Variants in LSAMP observed in about 807,000 individuals in gnomAD.
LSAMP encodes limbic system-associated membrane protein.
Under a neutral mutation model 38.6 loss-of-function variants are expected in LSAMP, and 7 were observed. The observed-to-expected ratio is 0.18, with a 90% CI of 0.10 to 0.34. The LOEUF (loss-of-function observed/expected upper bound fraction) is 0.34. Among genes scored for constraint, LSAMP ranks in the 10% least tolerant of loss-of-function variants. The pLI, the probability that LSAMP is intolerant of heterozygous loss-of-function variation, is 1.00. For missense variants in LSAMP, 313 were observed against 420.0 expected (o/e 0.75, Z 2.23); for synonymous variants, 154 against 166.8 (o/e 0.92, Z 0.59).
chr3:116,061,884 G>A (rs1195129294), intron 2 of LSAMP, among the ~76,000 whole-genome samples: 1 of 152,090 alleles, frequency 6.6e-6, no homozygotes, highest in Non-Finnish European at 1.5e-5. Context: ...TAAGTAGAAG[G>A]AATTCAAGGA....
chr3:115,853,404 A>G (rs1935394388), intron 3 of LSAMP, among the ~76,000 whole-genome samples: 1 of 152,158 alleles, frequency 6.6e-6, no homozygotes, highest in East Asian at 1.9e-4. Context: ...TAGGGAGTTA[A>G]ATATTATTGG....
At chr3:115,992,026 C>T (rs918071505) in intron 3 of LSAMP, among the ~76,000 whole-genome samples, 10 of 152,070 alleles carry the variant, frequency 6.6e-5, no homozygotes, top group East Asian at 1.9e-4. Flanking sequence ...TGAAAGGGGG[C>T]GGGTGGACAG....
At chr3:116,391,750 G>T (rs114638023) in intron 1 of LSAMP, among the ~76,000 whole-genome samples, 7,663 of 152,270 alleles carry the variant, frequency 0.05, 257 homozygotes, top group Non-Finnish European at 0.077. Flanking sequence ...CCCGGGGTGA[G>T]AAATGGGAGC....
At chr3:116,129,150 G>A (rs148090274) in intron 1 of LSAMP, among the ~76,000 whole-genome samples, 5 of 151,992 alleles carry the variant, frequency 3.3e-5, no homozygotes, top group Non-Finnish European at 7.4e-5. Context: ...TGAATCATTC[G>A]CAATGAGGAG....
At chr3:116,065,361 G>C (rs999370050) in intron 2 of LSAMP, among the ~76,000 whole-genome samples, 1 of 152,136 alleles carries the variant, frequency 6.6e-6, no homozygotes, top group Non-Finnish European at 1.5e-5. Flanking sequence ...ACAATGTCTA[G>C]TTTTTTGCAG....
chr3:116,159,158 A>G (rs1447089225), intron 1 of LSAMP, among the ~76,000 whole-genome samples: 2 of 152,216 alleles, frequency 1.3e-5, no homozygotes, highest in Non-Finnish European at 2.9e-5. Flanking sequence ...AAATCCTTGA[A>G]GACAACCTAG....
At chr3:116,137,083 G>T (rs779885608) in intron 1 of LSAMP, among the ~76,000 whole-genome samples, 5 of 152,110 alleles carry the variant, frequency 3.3e-5, no homozygotes, top group Non-Finnish European at 7.4e-5. Flanking sequence ...TGTTCCTGGT[G>T]TACAGACATA....
chr3:116,418,489 GT>G (rs143678351), intron 1 of LSAMP, among the ~76,000 whole-genome samples: 2 of 151,092 alleles, frequency 1.3e-5, no homozygotes, highest in Non-Finnish European at 1.5e-5. Context: ...TATTTCTCAT[GT>G]TTTTTTTTAA....
chr3:115,936,230 A>C (rs1461457000), intron 3 of LSAMP, among the ~76,000 whole-genome samples: 1 of 152,228 alleles, frequency 6.6e-6, no homozygotes, highest in Admixed American at 6.5e-5. Flanking sequence ...AGAATAGCTA[A>C]GGGACTAGAT....
chr3:116,213,608 A>G (rs751079306), intron 1 of LSAMP, among the ~76,000 whole-genome samples: 8 of 152,242 alleles, frequency 5.3e-5, no homozygotes, highest in Admixed American at 1.3e-4. Context: ...GAAACTCAAT[A>G]GCCAACATGT....
intron 1 of LSAMP, among the ~76,000 whole-genome samples, chr3:116,369,386 G>A (rs975152498): frequency 1.3e-5 from 2 of 152,192 alleles, no homozygotes; most frequent in African/African-American, 4.8e-5. Flanking sequence ...CTTCCAAGGA[G>A]AGCATTGCTC....
At chr3:116,166,239 T>C (rs1377665763) in intron 1 of LSAMP, among the ~76,000 whole-genome samples, 1 of 152,210 alleles carries the variant, frequency 6.6e-6, no homozygotes, top group African/African-American at 2.4e-5. Flanking sequence ...AACTGCTCTC[T>C]CTCTAGCACT....
rs1183767401 is a variant in LSAMP at position 115,896,123 on chromosome 3, C to T, written c.515-43506G>A. 2.6e-5 allele frequency among the ~76,000 whole-genome samples: 4 copies of T among 152,180 alleles called. No homozygotes were observed. In the East Asian group the frequency reaches 5.8e-4, roughly 22 times the overall value. ...TATGTTGTCATTTATGTTTTCTCCCCAGTCAAGCTATTAACTGTTATTCTT... is the reference window on the plus strand; with the variant it reads ...TATGTTGTCATTTATGTTTTCTCCCTAGTCAAGCTATTAACTGTTATTCTT... On this transcript the variant is annotated intron_variant, in intron 3 of 6. Coordinates refer to ENST00000490035, the MANE Select transcript of LSAMP (RefSeq NM_002338.5).
intron 1 of LSAMP, among the ~76,000 whole-genome samples, chr3:116,172,828 G>C (rs548127190): frequency 1.3e-5 from 2 of 151,934 alleles, no homozygotes; most frequent in African/African-American, 2.4e-5. Context: ...TAAAGGTAAG[G>C]GTTGGTTCAC....
intron 1 of LSAMP, among the ~76,000 whole-genome samples, chr3:116,399,160 C>A (rs1330545810): frequency 1.3e-5 from 2 of 152,038 alleles, no homozygotes; most frequent in Non-Finnish European, 2.9e-5. Flanking sequence ...TAAGCAGGAG[C>A]AAGATTACAA....
chr3:115,829,003 A>G (rs1165511376), intron 6 of LSAMP, among the ~76,000 whole-genome samples: 2 of 152,204 alleles, frequency 1.3e-5, no homozygotes, highest in Admixed American at 6.5e-5. Context: ...ACATTCTCCT[A>G]TCTTTAAATT....
intron 1 of LSAMP, among the ~76,000 whole-genome samples, chr3:116,277,053 A>C (rs967593945): frequency 5.9e-5 from 9 of 152,234 alleles, no homozygotes; most frequent in Non-Finnish European, 1.2e-4. Flanking sequence ...CAGTAGTGGC[A>C]GTAGGACACT....
intron 3 of LSAMP, among the ~76,000 whole-genome samples, chr3:115,986,710 G>A (rs985609761): frequency 3.9e-5 from 6 of 151,982 alleles, no homozygotes; most frequent in African/African-American, 1.2e-4. Context: ...GAGGGGGGTG[G>A]GGGCAGTGAG....
chr3:116,263,438 T>A (rs2046853178), intron 1 of LSAMP, among the ~76,000 whole-genome samples: 1 of 151,492 alleles, frequency 6.6e-6, no homozygotes, highest in Admixed American at 6.6e-5. Context: ...CTCGGGAGGC[T>A]GAGGCACGAG....
Sources: allele counts gnomAD v4.1 joint callset (sites outside exome capture counted in the v4.1 genomes callset), GRCh38; gene constraint gnomAD v4.1.1; transcripts MANE v1.5; gene names NCBI Gene and HGNC (gene_info 2026-07-23, HGNC 2026-07-21).